The following GABRB1 variants were observed in gnomAD, a reference collection of about 807,000 sequenced individuals.
GABRB1 encodes the protein gamma-aminobutyric acid type A receptor subunit beta1.
GABRB1 carries 17 observed loss-of-function variants against 51.6 expected under a neutral mutation model. That is an observed-to-expected ratio of 0.33 (90% confidence interval 0.23 to 0.49). The LOEUF is 0.49. GABRB1 is among the 20% of genes least tolerant of loss of function. The pLI, the probability that GABRB1 is intolerant of heterozygous loss-of-function variation, is 0.99. For synonymous variants in GABRB1, 247 were observed against 218.9 expected (o/e 1.13, Z -1.14); for missense variants, 410 against 600.6 (o/e 0.68, Z 3.32).
At chr4:47,063,576 A>C (rs893968432) in intron 3 of GABRB1, among the ~76,000 whole-genome samples, 1 of 152,168 alleles carries the variant, frequency 6.6e-6, no homozygotes, top group Non-Finnish European at 1.5e-5. Context: ...CTCCAACTCT[A>C]TCTGACAGGA....
intron 5 of GABRB1, among the ~76,000 whole-genome samples, chr4:47,388,359 A>T (rs1727872799): frequency 6.6e-6 from 1 of 152,116 alleles, no homozygotes; most frequent in African/African-American, 2.4e-5. Flanking sequence ...TAGAAAAGTC[A>T]CTCTGGGAAT....
intron 4 of GABRB1, among the ~76,000 whole-genome samples, chr4:47,258,282 A>C (rs1403815558): frequency 6.6e-6 from 1 of 152,174 alleles, no homozygotes; most frequent in Non-Finnish European, 1.5e-5. Context: ...CAGAGTTCAG[A>C]AAAGGGTACT....
intron 4 of GABRB1, among the ~76,000 whole-genome samples, chr4:47,168,160 GA>G (rs985206324): frequency 1.3e-5 from 2 of 152,060 alleles, no homozygotes; most frequent in Admixed American, 6.6e-5. Flanking sequence ...ATAAGTAATT[GA>G]AAATATATTA....
chr4:47,244,344 CT>C (rs1380933820), intron 4 of GABRB1, among the ~76,000 whole-genome samples: 1 of 152,060 alleles, frequency 6.6e-6, no homozygotes, highest in South Asian at 2.1e-4. Context: ...CTAAAATTCT[CT>C]TTTTTTGTCG....
intron 4 of GABRB1, among the ~76,000 whole-genome samples, chr4:47,216,941 A>C (rs750270442): frequency 3.3e-5 from 5 of 151,862 alleles, no homozygotes; most frequent in Non-Finnish European, 7.4e-5. Context: ...AAAATTTGCA[A>C]ATAACCTAAA....
chr4:47,389,346 T>C (rs1391431901), intron 5 of GABRB1, among the ~76,000 whole-genome samples: 2 of 152,208 alleles, frequency 1.3e-5, no homozygotes, highest in African/African-American at 4.8e-5. Context: ...TGTGACCTTC[T>C]AGGTGCATGA....
chr4:47,261,367 C>T (rs1038410467), intron 4 of GABRB1, among the ~76,000 whole-genome samples: 1 of 152,054 alleles, frequency 6.6e-6, no homozygotes, highest in Non-Finnish European at 1.5e-5. Context: ...TATCAATGTA[C>T]AAAAATCACA....
intron 5 of GABRB1, among the ~76,000 whole-genome samples, chr4:47,344,986 G>C (rs1207689683): frequency 6.6e-6 from 1 of 152,120 alleles, no homozygotes; most frequent in Admixed American, 6.6e-5. Flanking sequence ...GCCTCCCAAA[G>C]TGCTGGGATT....
intron 3 of GABRB1, among the ~76,000 whole-genome samples, chr4:47,133,533 G>A (rs1002612676): frequency 1.3e-5 from 2 of 152,172 alleles, no homozygotes; most frequent in African/African-American, 2.4e-5. Context: ...ATCTAATCCA[G>A]GAGGACACAT....
intron 5 of GABRB1, among the ~76,000 whole-genome samples, chr4:47,356,283 G>T (rs935141618): frequency 2.0e-5 from 3 of 150,088 alleles, no homozygotes; most frequent in Non-Finnish European, 4.5e-5. Flanking sequence ...ACCATAAAGC[G>T]TTGAGCAAAT....
chr4:47,425,817 G>T lies in GABRB1; in HGVS notation c.1224G>T (p.Leu408=), dbSNP rs1310937941. The T allele has an allele frequency of 6.2e-7, 1 of 1,614,110 alleles. No homozygotes were observed. Among genetic ancestry groups the T allele is most frequent in the Admixed American group, 1.7e-5 (1 of 60,034 alleles). The change falls in exon 9 of 9, where the codon CTG becomes CTT. Residue 408 remains leucine (L), a synonymous_variant. Transcript: ENST00000295454. The stretch of plus-strand genomic sequence containing the variant: ...CCAGCATCCAGTACCGCAAGCCCCT[G>T]AGCAGCCGCGAGGCCTACGGGCGCG... The part of the protein sequence containing the change: ...DSASIQYRKP[L]SSREAYGRAL...
At chr4:47,171,391 A>G (rs1319913950) in intron 4 of GABRB1, among the ~76,000 whole-genome samples, 1 of 152,138 alleles carries the variant, frequency 6.6e-6, no homozygotes. Context: ...ATTATTAGAA[A>G]TGACACCACT....
chr4:47,309,480 G>A (rs1161166925), intron 4 of GABRB1, among the ~76,000 whole-genome samples: 1 of 152,022 alleles, frequency 6.6e-6, no homozygotes, highest in Admixed American at 6.6e-5. Flanking sequence ...AAAGAGAGGA[G>A]GGAAAGAAAG....
At chr4:47,308,481 G>C (rs1421802508) in intron 4 of GABRB1, among the ~76,000 whole-genome samples, 1 of 151,982 alleles carries the variant, frequency 6.6e-6, no homozygotes, top group Non-Finnish European at 1.5e-5. Flanking sequence ...GGTTTTGTTT[G>C]TTTTTTCTCA....
At chr4:47,354,234 G>A (rs114215636) in intron 5 of GABRB1, among the ~76,000 whole-genome samples, 1,930 of 152,266 alleles carry the variant, frequency 0.013, 34 homozygotes, top group African/African-American at 0.038. Flanking sequence ...ACCAGTTGGT[G>A]AGTATTTAAT....
At chr4:47,069,094 G>A (rs1297491699) in intron 3 of GABRB1, among the ~76,000 whole-genome samples, 1 of 152,100 alleles carries the variant, frequency 6.6e-6, no homozygotes, top group African/African-American at 2.4e-5. Flanking sequence ...ACCTCCCCAT[G>A]TGAGATTAAG....
At chr4:47,143,579 G>A (rs1028830096) in intron 3 of GABRB1, among the ~76,000 whole-genome samples, 1 of 151,786 alleles carries the variant, frequency 6.6e-6, no homozygotes, top group Non-Finnish European at 1.5e-5. Flanking sequence ...AGTACTGCAT[G>A]GTGCTTAGAT....
At chr4:47,020,748 C>T (rs1028634998) in intron 1 of GABRB1, among the ~76,000 whole-genome samples, 1 of 152,186 alleles carries the variant, frequency 6.6e-6, no homozygotes. Flanking sequence ...TCCACCCTTG[C>T]CCTCTAATAG....
intron 4 of GABRB1, among the ~76,000 whole-genome samples, chr4:47,272,306 A>G (rs1722904066): frequency 6.6e-6 from 1 of 152,192 alleles, no homozygotes; most frequent in Non-Finnish European, 1.5e-5. Context: ...AATGTTTGGA[A>G]GTATTGTGGC....
Sources: gnomAD v4.1 joint callset for allele counts (sites outside exome capture counted in the v4.1 genomes callset) on GRCh38, gnomAD v4.1.1 for gene constraint, MANE v1.5 for transcripts, NCBI Gene and HGNC (gene_info 2026-07-23, HGNC 2026-07-21) for gene names.